Variants in TSNARE1 observed in about 807,000 individuals in gnomAD.
TSNARE1 encodes t-SNARE domain-containing protein 1.
TSNARE1 carries 49 observed loss-of-function variants against 62.0 expected under a neutral mutation model. The observed-to-expected ratio is 0.79, with a 90% confidence interval of 0.63 to 1.00. The LOEUF (loss-of-function observed/expected upper bound fraction) is 1.00, where lower values mean the gene tolerates loss of function less well. Among genes scored for constraint, TSNARE1 ranks in the 50% least tolerant of loss-of-function variants. TSNARE1 has a pLI of 0.00. For missense variants in TSNARE1, 755 were observed against 700.1 expected (o/e 1.08, Z -0.88); for synonymous variants, 328 against 294.4 (o/e 1.11, Z -1.17).
chr8:142,226,950 A>ACCT (rs1816807962), intron 13 of TSNARE1, among the ~76,000 whole-genome samples: 1 of 104,908 alleles, frequency 9.5e-6, no homozygotes, highest in Non-Finnish European at 2.0e-5. Flanking sequence ...GACAGCCAGG[A>ACCT]CCACCACTGC....
At chr8:142,342,370 ACT>A (rs1309563041) in intron 4 of TSNARE1, among the ~76,000 whole-genome samples, 18 of 152,184 alleles carry the variant, frequency 1.2e-4, no homozygotes, top group African/African-American at 3.9e-4. Flanking sequence ...TCTTCCAGAC[ACT>A]GTCAGCTCCA....
Position 142,276,223 on chromosome 8 carries a change from G to A in TSNARE1, c.1364-1360C>T, listed in dbSNP as rs549196005. The stretch of plus-strand genomic sequence containing the variant: ...GCGGGTATGGGTGACGGCCTCGGCC[G>A]CTCCTGGAGCAAAGCACCCCTTTGC... On this transcript the variant is annotated intron_variant, in intron 11 of 13. Transcript: ENST00000524325. 1.4e-4 allele frequency: 138 copies of A among 985,452 alleles called. No individual in the cohort carries two copies. The South Asian group carries it at 2.5e-3, about 18-fold the overall frequency. The allele number at this position is 985,452 out of a possible 1,614,324, so 61.0% of individuals were successfully genotyped here.
chr8:142,276,112 A>C (rs1255459657), intron 11 of TSNARE1: 1 of 985,192 alleles, frequency 1.0e-6, no homozygotes, highest in Non-Finnish European at 1.2e-6. Flanking sequence ...ACTCGCAGAC[A>C]CACCCTGATC....
chr8:142,263,888 T>G (rs1819010481), intron 12 of TSNARE1, among the ~76,000 whole-genome samples: 1 of 152,256 alleles, frequency 6.6e-6, no homozygotes, highest in Non-Finnish European at 1.5e-5. Context: ...CTTTGGACTT[T>G]GTAGCGCCTT....
chr8:142,271,533 C>A, intron 12 of TSNARE1: 1 of 1,358,978 alleles, frequency 7.4e-7, no homozygotes. Flanking sequence ...AGTGTGGTTG[C>A]TGGTGGGGTG....
chr8:142,274,502 C>A (rs1304697296), intron 12 of TSNARE1: 1 of 985,352 alleles, frequency 1.0e-6, no homozygotes, highest in Non-Finnish European at 1.2e-6. Flanking sequence ...GCCCTCCCCT[C>A]GGCTGCACCC....
chr8:142,222,952 CCACT>C (rs1313754274), intron 13 of TSNARE1, among the ~76,000 whole-genome samples: 23 of 138,802 alleles, frequency 1.7e-4, no homozygotes, highest in African/African-American at 3.3e-4. Flanking sequence ...ACTCACTCAT[CCACT>C]CACTCACTCA....
chr8:142,354,258 C>T lies in TSNARE1; in HGVS notation c.88+379G>A, dbSNP rs185771734. 3.5e-3 allele frequency among the ~76,000 whole-genome samples: 533 copies of T among 152,258 alleles called. 2 individuals carry two copies. The highest frequency in any genetic ancestry group is 5.0e-3 in the Non-Finnish European group (337 of 68,000). ...TGAGAGCCCCAGGGGCCTCAGCTTC[C>T]TCCTCTGTACAGAGTGCAAAGTGCC... On this transcript the variant is annotated intron_variant, in intron 2 of 13. Transcript: ENST00000524325.
At chr8:142,326,837 T>C (rs1449480007) in intron 6 of TSNARE1, among the ~76,000 whole-genome samples, 3 of 152,224 alleles carry the variant, frequency 2.0e-5, no homozygotes, top group South Asian at 2.1e-4. Flanking sequence ...TCCAAGAAGA[T>C]ATACAAATGG....
intron 11 of TSNARE1, among the ~76,000 whole-genome samples, chr8:142,283,920 G>A (rs1375595131): frequency 1.4e-5 from 2 of 143,068 alleles, no homozygotes; most frequent in African/African-American, 4.9e-5. Context: ...CTGTCAGTGA[G>A]GGGAGCAGGG....
chr8:142,256,211 CCAT>C (rs1563782382), intron 12 of TSNARE1, among the ~76,000 whole-genome samples: 6 of 116,226 alleles, frequency 5.2e-5, no homozygotes, highest in Non-Finnish European at 7.1e-5. Context: ...ACCACTGTCA[CCAT>C]CACCATCACT....
At chr8:142,292,819 G>T (rs1160694294) in intron 10 of TSNARE1, among the ~76,000 whole-genome samples, 9 of 152,082 alleles carry the variant, frequency 5.9e-5, no homozygotes, top group Admixed American at 5.9e-4. Flanking sequence ...ACAGTTCCCA[G>T]CCCTATCCCA....
chr8:142,363,288 G>A (rs182150758), intron 1 of TSNARE1, among the ~76,000 whole-genome samples: 1 of 152,314 alleles, frequency 6.6e-6, no homozygotes, highest in East Asian at 1.9e-4. Flanking sequence ...GCTCAGTATG[G>A]AGGCTGCTGG....
intron 11 of TSNARE1, among the ~76,000 whole-genome samples, chr8:142,279,280 A>C (rs928310486): frequency 6.6e-6 from 1 of 152,218 alleles, no homozygotes; most frequent in Non-Finnish European, 1.5e-5. Flanking sequence ...GTGGAGAGGA[A>C]GGCCAGGCCG....
chr8:142,224,508 C>T (rs1816682185), intron 13 of TSNARE1, among the ~76,000 whole-genome samples: 1 of 152,244 alleles, frequency 6.6e-6, no homozygotes, highest in East Asian at 1.9e-4. Context: ...CTGGGACCTG[C>T]AGATGAGTGA....
At chr8:142,380,714 C>T (rs1331825666) in intron 1 of TSNARE1, among the ~76,000 whole-genome samples, 1 of 152,148 alleles carries the variant, frequency 6.6e-6, no homozygotes, top group South Asian at 2.1e-4. Context: ...GTAAAATACC[C>T]GTAACGGAAA....
chr8:142,279,511 G>A (rs1179767313), intron 11 of TSNARE1, among the ~76,000 whole-genome samples: 1 of 152,226 alleles, frequency 6.6e-6, no homozygotes, highest in Non-Finnish European at 1.5e-5. Flanking sequence ...ACAGTGACTA[G>A]GACCCAGCAT....
chr8:142,288,273 G>A (rs1340174516), intron 10 of TSNARE1, among the ~76,000 whole-genome samples: 1 of 152,200 alleles, frequency 6.6e-6, no homozygotes, highest in Non-Finnish European at 1.5e-5. Flanking sequence ...AGTGTTCCAG[G>A]CACGCCTCTG....
intron 9 of TSNARE1, among the ~76,000 whole-genome samples, chr8:142,303,882 C>T (rs1169613074): frequency 6.6e-6 from 1 of 152,220 alleles, no homozygotes; most frequent in Admixed American, 6.5e-5. Flanking sequence ...GCACCGGCCA[C>T]CCCAGGAGGG....
Sources: allele counts gnomAD v4.1 joint callset (sites outside exome capture counted in the v4.1 genomes callset), GRCh38; gene constraint gnomAD v4.1.1; transcripts MANE v1.5; gene names NCBI Gene and HGNC (gene_info 2026-07-23, HGNC 2026-07-21).